APBA2: variants seen among roughly 807,000 people sequenced by gnomAD.
APBA2 encodes the protein amyloid-beta A4 precursor protein-binding family A member 2.
A neutral mutation model predicts 75.0 loss-of-function variants in APBA2; 30 were observed. The observed-to-expected ratio is 0.40, with a 90% CI of 0.30 to 0.54. The LOEUF is 0.54. Among genes scored for constraint, APBA2 ranks in the 20% least tolerant of loss-of-function variants. The pLI is 0.49. For synonymous variants in APBA2, 444 were observed against 409.6 expected, an observed-to-expected ratio of 1.08 and a Z score of -1.01; for missense variants, 801 against 1,016.1, an observed-to-expected ratio of 0.79 and a Z score of 2.88.
In APBA2 at chr15:29,054,583, C is replaced by T. The variant is rs1408398631; in HGVS notation, c.699C>T (p.Ile233=). 1 of 1,614,060 alleles carries T rather than the reference C, an allele frequency of 6.2e-7. No individual in the cohort carries two copies. The highest frequency in any genetic ancestry group is 1.1e-5 in the South Asian group (1 of 91,046). Reference sequence around the variant, plus strand: ...ACATTGACCAGATCGTGGCAGAGATCAAGATGAGTCTGAGCATGACCAGCA... The same window carrying T: ...ACATTGACCAGATCGTGGCAGAGATTAAGATGAGTCTGAGCATGACCAGCA... ...EEDIDQIVAE[I]KMSLSMTSIT... The change falls in exon 4 of 15, where the codon ATC becomes ATT. Residue 233 remains isoleucine (I), a synonymous_variant. Coordinates refer to ENST00000683413, the MANE Select transcript of APBA2 (RefSeq NM_001353788.2). The surrounding 1 kb of genome is among the most constrained non-coding windows in gnomAD (Gnocchi z 6.1).
At chr15:28,940,639 C>T (rs1007741137) in intron 2 of APBA2, among the ~76,000 whole-genome samples, 2 of 152,062 alleles carry the variant, frequency 1.3e-5, no homozygotes, top group Non-Finnish European at 2.9e-5. Context: ...AGCCCTAGAG[C>T]GTTCCCTGGA....
chr15:29,098,784 G>A (rs745598453), intron 9 of APBA2, among the ~76,000 whole-genome samples: 3 of 152,180 alleles, frequency 2.0e-5, no homozygotes, highest in Non-Finnish European at 2.9e-5. Context: ...CTCTGCGGGC[G>A]GGAGGTAGGT....
chr15:28,970,614 G>T (rs1427163963), intron 2 of APBA2: 1 of 151,240 alleles, frequency 6.6e-6, no homozygotes, highest in Non-Finnish European at 1.5e-5. Context: ...GTGTAGCAAA[G>T]AATTTACATT....
intron 2 of APBA2, among the ~76,000 whole-genome samples, chr15:28,975,134 C>T (rs2037266042): frequency 6.6e-6 from 1 of 152,032 alleles, no homozygotes; most frequent in South Asian, 2.1e-4. Flanking sequence ...GTGTGAAGAC[C>T]TGGATAGAAA....
rs1047859699 is a variant in APBA2, at chr15:28,985,278, A to G, written c.-94-10475A>G. 2.0e-5 allele frequency among the ~76,000 whole-genome samples: 3 copies of G among 152,162 alleles called. No individual in the cohort carries two copies. The East Asian group carries it at 5.8e-4, about 29-fold the overall frequency. On this transcript the variant is annotated intron_variant, in intron 2 of 14. Coordinates refer to ENST00000683413, the MANE Select transcript of APBA2 (RefSeq NM_001353788.2). ...AGCATGTTCTGGGCCAGGGCACACA[A>G]TGCTTTCAGATCAGGCTCCAGCACC...
At chr15:29,014,518 C>T (rs370325079) in intron 3 of APBA2, among the ~76,000 whole-genome samples, 9 of 152,164 alleles carry the variant, frequency 5.9e-5, no homozygotes, top group Middle Eastern at 3.4e-3. Context: ...ATGAAGCAGA[C>T]AAAAAATGCA....
At chr15:29,106,545 G>A in intron 11 of APBA2, 62 bp from the exon 12 acceptor site, 1 of 1,577,452 alleles carries the variant, frequency 6.3e-7, no homozygotes, top group Non-Finnish European at 8.7e-7. Flanking sequence ...CCTCCTGTGG[G>A]TCCTTGGCAG....
At chr15:29,079,337 G>A (rs895717277) in intron 6 of APBA2, among the ~76,000 whole-genome samples, 25 of 152,154 alleles carry the variant, frequency 1.6e-4, no homozygotes, top group African/African-American at 5.8e-4. Flanking sequence ...CCATCAGAGA[G>A]TCCAGGAGGC....
rs765084356 is a variant in APBA2 at position 28,908,315 on chromosome 15, G to GTTTTTTTTTTTTTTTTTT, written c.-204-13312_-204-13311insTTTTTTTTTTTTTTTTTT. On this transcript the variant is annotated intron_variant, in intron 1 of 14. Coordinates refer to ENST00000683413, the MANE Select transcript of APBA2 (RefSeq NM_001353788.2). ...TTGTTTTTGTTTGTTTTGTTTTCTT[G>GTTTTTTTTTTTTTTTTTT]TTTTTTTTTTTTTGAGACAGAGTCT... Among the ~76,000 whole-genome samples the GTTTTTTTTTTTTTTTTTT allele has an allele frequency of 2.9e-3, 404 of 137,486 alleles. 36 individuals are homozygous for GTTTTTTTTTTTTTTTTTT. The highest frequency in any genetic ancestry group is 0.012 in the African/African-American group (386 of 33,090). 90.2% of individuals were successfully genotyped at this position (137,486 alleles called of 152,430 possible).
chr15:28,938,477 A>G (rs528215999), intron 2 of APBA2, among the ~76,000 whole-genome samples: 1 of 152,302 alleles, frequency 6.6e-6, no homozygotes, highest in East Asian at 1.9e-4. Flanking sequence ...TACACATATC[A>G]TAGTTATACA....
intron 3 of APBA2, among the ~76,000 whole-genome samples, chr15:29,051,532 C>A (rs1205030006): frequency 6.6e-6 from 1 of 152,206 alleles, no homozygotes; most frequent in Non-Finnish European, 1.5e-5. Flanking sequence ...ACGTTGGAAG[C>A]ATGTGGCTCC....
intron 1 of APBA2, among the ~76,000 whole-genome samples, chr15:28,888,903 G>A (rs927976626): frequency 4.6e-5 from 7 of 152,334 alleles, no homozygotes; most frequent in Middle Eastern, 3.4e-3. Context: ...CCTCCCCGAT[G>A]TAGGTCAAGT....
At chr15:28,940,063 G>A (rs1022467311) in intron 2 of APBA2, among the ~76,000 whole-genome samples, 3 of 152,212 alleles carry the variant, frequency 2.0e-5, no homozygotes, top group African/African-American at 7.2e-5. Context: ...CCTGTGGGTA[G>A]TGAGAGTCTC....
intron 2 of APBA2, among the ~76,000 whole-genome samples, chr15:28,941,391 C>T (rs1371155252): frequency 2.7e-5 from 4 of 150,206 alleles, no homozygotes; most frequent in South Asian, 2.1e-4. Context: ...TTTGCAGGAA[C>T]GGAAAGGACA....
chr15:29,095,628 G>T (rs2043815300), intron 8 of APBA2, among the ~76,000 whole-genome samples: 1 of 152,216 alleles, frequency 6.6e-6, no homozygotes. Flanking sequence ...AGGAGATTTA[G>T]TTCCCCCTCC....
chr15:29,098,600 A>C, intron 9 of APBA2, 24 bp downstream of exon 9: 2 of 1,580,074 alleles, frequency 1.3e-6, no homozygotes, highest in Non-Finnish European at 1.7e-6. Context: ...ACAGTTGTTC[A>C]AAATCAGGTA....
intron 6 of APBA2, among the ~76,000 whole-genome samples, chr15:29,079,923 G>A (rs571764416): frequency 1.3e-5 from 2 of 152,050 alleles, no homozygotes; most frequent in Non-Finnish European, 2.9e-5. Context: ...ATTTCATGTC[G>A]CCTGGTCAAC....
At chr15:29,103,057 C>T (rs891857042) in intron 10 of APBA2, among the ~76,000 whole-genome samples, 6 of 152,228 alleles carry the variant, frequency 3.9e-5, no homozygotes, top group Admixed American at 6.5e-5. Flanking sequence ...GGAGACCCTT[C>T]GAAACCTGGA....
chr15:29,079,927 G>A (rs1428483235), intron 6 of APBA2, among the ~76,000 whole-genome samples: 1 of 152,164 alleles, frequency 6.6e-6, no homozygotes, highest in Admixed American at 6.5e-5. Context: ...CATGTCGCCT[G>A]GTCAACCACC....
Sources: gnomAD v4.1 joint callset for allele counts (sites outside exome capture counted in the v4.1 genomes callset) on GRCh38, gnomAD v4.1.1 for gene constraint, Gnocchi (gnomAD v3.1) non-coding constraint, MANE v1.5 for transcripts, NCBI Gene and HGNC (gene_info 2026-07-23, HGNC 2026-07-21) for gene names.